Variants in EXOC6B observed in about 807,000 individuals in gnomAD.
EXOC6B encodes exocyst complex component 6B, also known as SEC15 homolog B.
In EXOC6B, 54 loss-of-function variants were observed where a neutral mutation model predicts 113.5. The ratio of observed to expected loss-of-function variants is 0.48; its 90% confidence interval spans 0.38 to 0.60. The LOEUF is 0.60. Ranked by LOEUF, EXOC6B falls within the 20% of genes least tolerant of loss-of-function variation. EXOC6B has a pLI of 0.00. For missense variants in EXOC6B, 797 were observed against 977.5 expected, an observed-to-expected ratio of 0.82 and a Z score of 2.46; for synonymous variants, 357 against 339.0, an observed-to-expected ratio of 1.05 and a Z score of -0.58.
intron 1 of EXOC6B, among the ~76,000 whole-genome samples, chr2:72,772,182 G>C (rs1458881790): frequency 1.3e-5 from 2 of 152,106 alleles, no homozygotes; most frequent in Non-Finnish European, 2.9e-5. Flanking sequence ...AGAATGATAT[G>C]AGCACCCTAC....
intron 20 of EXOC6B, among the ~76,000 whole-genome samples, chr2:72,255,403 T>A (rs553465763): frequency 6.6e-6 from 1 of 152,336 alleles, no homozygotes; most frequent in East Asian, 1.9e-4. Flanking sequence ...AAGGAAAGGA[T>A]GACTTCTAGG....
chr2:72,725,744 A>G lies in EXOC6B; in HGVS notation c.464+5263T>C, dbSNP rs139361847. On this transcript the variant is annotated intron_variant, in intron 5 of 21. Coordinates refer to ENST00000272427, the MANE Select transcript of EXOC6B (RefSeq NM_015189.3). ...GGCTATGCAGAAATTGGAAACATCT[A>G]TGCTGCTGTTGGGAAGATAAAAAGG... Among the ~76,000 whole-genome samples the G allele has an allele frequency of 3.3e-3, 507 of 152,302 alleles. 2 individuals carry two copies. Among genetic ancestry groups the G allele is most frequent in the African/African-American group, 0.012 (483 of 41,572 alleles).
intron 6 of EXOC6B, among the ~76,000 whole-genome samples, chr2:72,601,590 T>C (rs902721375): frequency 6.6e-6 from 1 of 152,140 alleles, no homozygotes; most frequent in Admixed American, 6.6e-5. Flanking sequence ...GTACAGACAC[T>C]TTGGCAGTTT....
chr2:72,200,155 C>T (rs969472449), intron 20 of EXOC6B, among the ~76,000 whole-genome samples: 2 of 152,062 alleles, frequency 1.3e-5, no homozygotes, highest in African/African-American at 4.8e-5. Context: ...CCTTGGCCTC[C>T]CAAAGTGCTG....
intron 8 of EXOC6B, among the ~76,000 whole-genome samples, chr2:72,553,670 T>C (rs1431657774): frequency 6.6e-6 from 1 of 152,094 alleles, no homozygotes; most frequent in African/African-American, 2.4e-5. Context: ...GTAGATGGAA[T>C]TGATAAAACT....
chr2:72,373,637 A>G (rs1268472732), intron 19 of EXOC6B, among the ~76,000 whole-genome samples: 1 of 152,236 alleles, frequency 6.6e-6, no homozygotes, highest in Non-Finnish European at 1.5e-5. Flanking sequence ...GAACACATAC[A>G]AATGGCAAAC....
intron 6 of EXOC6B, among the ~76,000 whole-genome samples, chr2:72,695,117 G>C (rs752395155): frequency 3.3e-5 from 5 of 152,194 alleles, no homozygotes; most frequent in Non-Finnish European, 7.3e-5. Context: ...CGGGAAAGAC[G>C]GCTGGATGCT....
chr2:72,564,117 G>A (rs1704034542), intron 7 of EXOC6B, among the ~76,000 whole-genome samples: 1 of 152,114 alleles, frequency 6.6e-6, no homozygotes, highest in South Asian at 2.1e-4. Flanking sequence ...AGAAAAGATT[G>A]CTTGCCTCCC....
chr2:72,645,200 T>G (rs1422460328), intron 6 of EXOC6B, among the ~76,000 whole-genome samples: 2 of 152,160 alleles, frequency 1.3e-5, no homozygotes, highest in Non-Finnish European at 2.9e-5. Flanking sequence ...AGAAGGCCAT[T>G]ACCTAATGGC....
At chr2:72,601,138 G>A (rs998152836) in intron 6 of EXOC6B, among the ~76,000 whole-genome samples, 2 of 147,102 alleles carry the variant, frequency 1.4e-5, no homozygotes, top group Admixed American at 6.8e-5. Context: ...GTGTGTGTGT[G>A]TGTGTGTGTG....
chr2:72,546,139 T>C (rs771120319), intron 8 of EXOC6B, among the ~76,000 whole-genome samples: 1 of 152,154 alleles, frequency 6.6e-6, no homozygotes, highest in Non-Finnish European at 1.5e-5. Flanking sequence ...ATCCCTGCAA[T>C]GGCCATAAGG....
At chr2:72,753,847 T>C (rs1021170442) in intron 1 of EXOC6B, among the ~76,000 whole-genome samples, 15 of 152,180 alleles carry the variant, frequency 9.9e-5, no homozygotes, top group African/African-American at 3.6e-4. Flanking sequence ...TCTTTCAAGG[T>C]TCAGCTCAAA....
chr2:72,638,447 T>C (rs930688475), intron 6 of EXOC6B, among the ~76,000 whole-genome samples: 2 of 151,826 alleles, frequency 1.3e-5, no homozygotes, highest in East Asian at 3.9e-4. Context: ...ACAACTGGTA[T>C]AATCCAAACA....
chr2:72,673,543 G>C (rs1676062993), intron 6 of EXOC6B, among the ~76,000 whole-genome samples: 1 of 151,976 alleles, frequency 6.6e-6, no homozygotes, highest in South Asian at 2.1e-4. Flanking sequence ...GCTGCTGAAG[G>C]CCATCATTGT....
At chr2:72,187,637 G>A (rs1402202139) in intron 20 of EXOC6B, among the ~76,000 whole-genome samples, 7 of 152,028 alleles carry the variant, frequency 4.6e-5, no homozygotes, top group Non-Finnish European at 7.4e-5. Flanking sequence ...GCAGCTGGTC[G>A]TCCTGTTGTC....
intron 6 of EXOC6B, among the ~76,000 whole-genome samples, chr2:72,607,402 A>G (rs1445717275): frequency 6.6e-6 from 1 of 152,186 alleles, no homozygotes; most frequent in Non-Finnish European, 1.5e-5. Flanking sequence ...CTGTGAGCCA[A>G]ATAAACCTCT....
intron 20 of EXOC6B, among the ~76,000 whole-genome samples, chr2:72,237,025 T>C (rs776366415): frequency 2.6e-5 from 4 of 152,060 alleles, no homozygotes; most frequent in Non-Finnish European, 5.9e-5. Context: ...TCCTGAGACC[T>C]CAAGTTAGAA....
At chr2:72,803,063 C>T (rs919127654) in intron 1 of EXOC6B, among the ~76,000 whole-genome samples, 5 of 152,146 alleles carry the variant, frequency 3.3e-5, no homozygotes, top group Non-Finnish European at 7.4e-5. Flanking sequence ...CAAACAAATA[C>T]AGGTAATGTC....
intron 20 of EXOC6B, among the ~76,000 whole-genome samples, chr2:72,199,753 C>T (rs1039864096): frequency 5.9e-5 from 9 of 152,176 alleles, no homozygotes; most frequent in African/African-American, 2.2e-4. Context: ...CCGAATTCTG[C>T]CTGGCATTTT....
Sources: gnomAD v4.1 joint callset for allele counts (sites outside exome capture counted in the v4.1 genomes callset) on GRCh38, gnomAD v4.1.1 for gene constraint, MANE v1.5 for transcripts, NCBI Gene and HGNC (gene_info 2026-07-23, HGNC 2026-07-21) for gene names.